Variants in CASP4 observed in about 807,000 individuals in gnomAD.
The protein encoded by CASP4 is caspase-4.
A neutral mutation model predicts 41.3 loss-of-function variants in CASP4; 29 were observed. The observed-to-expected ratio is 0.70, with a 90% CI of 0.52 to 0.96. The LOEUF (loss-of-function observed/expected upper bound fraction) is 0.96. CASP4 is among the 40% of genes least tolerant of loss of function. The pLI, the probability that CASP4 is intolerant of heterozygous loss-of-function variation, is 0.00. For missense variants in CASP4, 447 were observed against 460.6 expected (o/e 0.97, Z 0.27); for synonymous variants, 185 against 158.4 (o/e 1.17, Z -1.26).
chr11:104,952,361 T>A (rs758330100), intron 2 of CASP4, among the ~76,000 whole-genome samples: 19 of 152,132 alleles, frequency 1.2e-4, no homozygotes, highest in Non-Finnish European at 2.4e-4. Context: ...TGTGCAAGAG[T>A]ATACTGAGTA....
At chr11:104,950,795 T>TGTACACAC in intron 4 of CASP4, 130 bp downstream of exon 4, 1 of 93,718 alleles carries the variant, frequency 1.1e-5, no homozygotes, top group Non-Finnish European at 1.7e-5. Flanking sequence ...TCTTATTTTG[T>TGTACACAC]ATACACACAC....
chr11:104,958,194 A>G (rs1439019891), intron 1 of CASP4, among the ~76,000 whole-genome samples: 1 of 152,218 alleles, frequency 6.6e-6, no homozygotes, highest in African/African-American at 2.4e-5. Context: ...AAGAAAACAG[A>G]GGGGAACAGC....
At chr11:104,947,295 G>T (rs913254511) in intron 6 of CASP4, 103 bp from the exon 7 acceptor site, 1 of 639,118 alleles carries the variant, frequency 1.6e-6, no homozygotes. Flanking sequence ...CATAGCTTGG[G>T]AATTATCTTT....
chr11:104,943,789 G>C, intron 8 of CASP4: 1 of 152,206 alleles, frequency 6.6e-6, no homozygotes, highest in Non-Finnish European at 1.5e-5. Flanking sequence ...GGCACTGAAA[G>C]CTGTTATGCT....
intron 7 of CASP4, 52 bp downstream of exon 7, chr11:104,947,031 T>G: frequency 7.8e-7 from 1 of 1,283,440 alleles, no homozygotes; most frequent in South Asian, 1.2e-5. Context: ...AAGTGAATCA[T>G]GACAAATTCT....
At chr11:104,949,274 G>A (rs1240240037) in intron 5 of CASP4, 2 of 470,586 alleles carry the variant, frequency 4.3e-6, no homozygotes, top group Non-Finnish European at 7.6e-6. Context: ...CCATTCCAAA[G>A]TTTGAGTATT....
Position 104,951,051 on chromosome 11 carries a change from G to A in CASP4, c.420C>T (p.Ile140=). 2.5e-6 allele frequency: 4 copies of A among 1,613,448 alleles called. No individual in the cohort carries two copies. The highest frequency in any genetic ancestry group is 3.4e-6 in the Non-Finnish European group (4 of 1,179,528). ...ERNNRTRLAL[I]ICNTEFDHLP... is the part of the protein sequence containing the mutation. ...GATGGTCAAACTCTGTATTGCATAT[G>A]ATGAGAGCCAGGCGTGTGCGGTTGT... The change falls in exon 4 of 9, where the codon ATC becomes ATT. Residue 140 remains isoleucine (I), a synonymous_variant. Coordinates refer to ENST00000444739, the MANE Select transcript of CASP4 (RefSeq NM_001225.4).
At position 104,942,993 on chromosome 11, in the gene CASP4, CA is replaced by C. The variant is rs1488379556; in HGVS notation, c.*6-21del. ...GGCTTCCTGCAGGGGAGAGAAAAAA[CA>C]GAAGGTCAAGATGGTTACCCCTTGC... On this transcript the variant is annotated intron_variant, in intron 8 of 8. Transcript: ENST00000444739. 2 of 454,542 alleles carry C rather than the reference CA, an allele frequency of 4.4e-6. No homozygotes were observed. Among genetic ancestry groups the C allele is most frequent in the Non-Finnish European group, 8.8e-6 (2 of 226,830 alleles). The allele number at this position is 454,542 out of a possible 1,614,324, so 28.2% of individuals were successfully genotyped here.
rs372129545 is a variant in CASP4, at chr11:104,947,165, A to G, written c.953T>C (p.Met318Thr). The change falls in exon 7 of 9, where the codon ATG (methionine) becomes ACG (threonine). Residue 318 changes from methionine to threonine, a missense_variant. Coordinates refer to ENST00000444739, the MANE Select transcript of CASP4 (RefSeq NM_001225.4). The stretch of plus-strand genomic sequence containing the variant: ...GAGTTGTGTGATGAAGATAGAGCCC[A>G]TTGTGCTGTCTCTCCAGGACACGTT... ...PHNVSWRDST[M>T]GSIFITQLIT... 9 of 1,612,062 alleles carry G rather than the reference A, an allele frequency of 5.6e-6. No individual in the cohort carries two copies. Among genetic ancestry groups the G allele is most frequent in the Middle Eastern group, 1.7e-4 (1 of 6,056 alleles).
intron 7 of CASP4, chr11:104,946,670 T>A (rs1860468633): frequency 6.5e-6 from 1 of 153,036 alleles, no homozygotes; most frequent in Non-Finnish European, 1.5e-5. Flanking sequence ...ATTTTCAGTA[T>A]CCATATCTCC....
At chr11:104,948,322 A>G (rs1591126032) in intron 6 of CASP4, 2 of 375,280 alleles carry the variant, frequency 5.3e-6, no homozygotes, top group South Asian at 1.2e-4. Context: ...AGAATTCATC[A>G]TCTGTTTAAA....
chr11:104,957,543 G>A (rs1200618221), intron 1 of CASP4, among the ~76,000 whole-genome samples: 1 of 152,078 alleles, frequency 6.6e-6, no homozygotes, highest in Non-Finnish European at 1.5e-5. Context: ...CTATACTCCA[G>A]TCTTGGCTAC....
chr11:104,953,047 T>C (rs1237346501), intron 2 of CASP4, among the ~76,000 whole-genome samples: 5 of 152,134 alleles, frequency 3.3e-5, no homozygotes, highest in African/African-American at 1.2e-4. Context: ...ATGATCATTA[T>C]GTGTGTGTGT....
chr11:104,959,927 A>T (rs1170206261), intron 1 of CASP4, among the ~76,000 whole-genome samples: 3 of 152,198 alleles, frequency 2.0e-5, no homozygotes, highest in Non-Finnish European at 4.4e-5. Flanking sequence ...AATTCATAAG[A>T]ACTTTATCAA....
chr11:104,958,984 A>G (rs867783621), intron 1 of CASP4, among the ~76,000 whole-genome samples: 102 of 146,244 alleles, frequency 7.0e-4, no homozygotes, highest in African/African-American at 2.6e-3. Context: ...AAAAAAAAAA[A>G]AAAGAGTAAA....
intron 1 of CASP4, among the ~76,000 whole-genome samples, chr11:104,962,384 A>G (rs1860880276): frequency 6.6e-6 from 1 of 152,186 alleles, no homozygotes; most frequent in Non-Finnish European, 1.5e-5. Context: ...GTTTCTCTGT[A>G]AAGTTTTGAT....
intron 7 of CASP4, 53 bp from the exon 8 acceptor site, chr11:104,944,904 A>G: frequency 8.0e-7 from 1 of 1,245,098 alleles, no homozygotes; most frequent in South Asian, 1.2e-5. Flanking sequence ...AAGTCTCAGA[A>G]AGCATCTTTC....
rs1860419391 is a variant in CASP4, at chr11:104,944,931, C to T, written c.1036-80G>A. 9.4e-5 allele frequency: 90 copies of T among 959,326 alleles called. 1 individual carries two copies. In the South Asian group the frequency reaches 1.1e-3, roughly 12 times the overall value. The allele number at this position is 959,326 out of a possible 1,614,324, so 59.4% of individuals were successfully genotyped here. ...GCATCTTTCACCATGTACCAGACAA[C>T]ACCTGGAATGAAGTGAGCTTGCAGG... On this transcript the variant is annotated intron_variant, in intron 7 of 8. Coordinates refer to ENST00000444739, the MANE Select transcript of CASP4 (RefSeq NM_001225.4).
At chr11:104,958,122 A>C (rs1444462090) in intron 1 of CASP4, among the ~76,000 whole-genome samples, 1 of 152,202 alleles carries the variant, frequency 6.6e-6, no homozygotes, top group African/African-American at 2.4e-5. Flanking sequence ...AAACATATAC[A>C]AAAATAAACT....
Sources: allele counts gnomAD v4.1 joint callset (sites outside exome capture counted in the v4.1 genomes callset), GRCh38; gene constraint gnomAD v4.1.1; transcripts MANE v1.5; gene names NCBI Gene and HGNC (gene_info 2026-07-23, HGNC 2026-07-21).